MPO: variants seen among roughly 807,000 people sequenced by gnomAD.
MPO encodes myeloperoxidase.
A neutral mutation model predicts 69.4 loss-of-function variants in MPO; 57 were observed. That is an observed-to-expected ratio of 0.82 (90% CI 0.66 to 1.02). The LOEUF is 1.02. Ranked by LOEUF, MPO falls within the 50% of genes least tolerant of loss-of-function variation. The pLI, the probability that MPO is intolerant of heterozygous loss-of-function variation, is 0.00. For missense variants in MPO, 971 were observed against 1,014.1 expected (o/e 0.96, Z 0.58); for synonymous variants, 426 against 417.1 (o/e 1.02, Z -0.26).
At chr17:58,278,225 C>A in intron 6 of MPO, 80 bp from the exon 7 acceptor site, 1 of 1,516,332 alleles carries the variant, frequency 6.6e-7, no homozygotes, top group Non-Finnish European at 9.0e-7. Context: ...CCCCTGCCCT[C>A]AGGACCTCTG....
chr17:58,280,776 G>T lies in MPO; in HGVS notation c.-18C>A. ...ACCCCCATCTCTCTTCTCCTGGGCTGCTCAATCCCCCTTTGTACCTCAGCC... is the reference window on the plus strand; with the variant it reads ...ACCCCCATCTCTCTTCTCCTGGGCTTCTCAATCCCCCTTTGTACCTCAGCC... On this transcript the variant is annotated 5_prime_UTR_variant, in exon 1 of 12. Transcript: ENST00000225275. 1 of 1,613,878 alleles carries T rather than the reference G, an allele frequency of 6.2e-7. No individual in the cohort carries two copies.
At chr17:58,276,975 G>T (rs753479835) in intron 7 of MPO, among the ~76,000 whole-genome samples, 2 of 152,070 alleles carry the variant, frequency 1.3e-5, no homozygotes, top group African/African-American at 2.4e-5. Context: ...AAGTGTGGTG[G>T]CAGGCGCCTG....
intron 7 of MPO, among the ~76,000 whole-genome samples, chr17:58,276,742 G>A (rs1401174687): frequency 2.0e-5 from 3 of 152,198 alleles, no homozygotes; most frequent in African/African-American, 4.8e-5. Context: ...GAGACCAGCA[G>A]GAACCATCAG....
At position 58,270,516 on chromosome 17, in the gene MPO, C is replaced by T; in HGVS notation, c.*140G>A. 1.3e-6 allele frequency: 1 copy of T among 758,156 alleles called. No homozygotes were observed. The allele number at this position is 758,156 out of a possible 1,614,324, so 47.0% of individuals were successfully genotyped here. A position where few individuals can be genotyped will look rare whatever the true frequency, so the allele number is the denominator to read the frequency against. Reference sequence around the variant, plus strand: ...TTTATATACTTCGCACATACATGAGCACACAAATGAACGTCTAGTCACTCA... The same window carrying T: ...TTTATATACTTCGCACATACATGAGTACACAAATGAACGTCTAGTCACTCA... On this transcript the variant is annotated 3_prime_UTR_variant, in exon 12 of 12. Transcript: ENST00000225275. This position sits in a 1 kb window ranked among gnomAD's most constrained non-coding sequence, Gnocchi z 4.1.
In MPO at chr17:58,279,015, G is replaced by T. The variant is rs376373278; in HGVS notation, c.878C>A (p.Pro293Gln). Residue 293 changes from proline to glutamine, a missense_variant, in exon 6 of 12, where the codon CCG becomes CAG. Transcript: ENST00000225275. Reference protein sequence around the residue: ...TSCVQQPPCFPLKIPPNDPRI... With the variant: ...TSCVQQPPCFQLKIPPNDPRI... The stretch of plus-strand genomic sequence containing the variant: ...GGCGGGAAGCAGGGCCACCTTGAGC[G>T]GGAAGCAGGGCGGCTGCTGAACGCA... The T allele has an allele frequency of 6.2e-7, 1 of 1,609,048 alleles. No individual in the cohort carries two copies. The highest frequency in any genetic ancestry group is 1.3e-5 in the African/African-American group (1 of 74,920).
chr17:58,279,507 C>T lies in MPO; in HGVS notation c.548+16G>A. 1 of 1,613,652 alleles carries T rather than the reference C, an allele frequency of 6.2e-7. No individual in the cohort carries two copies. Among genetic ancestry groups the T allele is most frequent in the Non-Finnish European group, 8.5e-7 (1 of 1,179,934 alleles). On this transcript the variant is annotated intron_variant, in intron 4 of 11. Transcript: ENST00000225275. ...CTCTGAGCCCGGTTCCTGCAGCCAC[C>T]CCCAGCCAGCCGCACCTGTTGTTGC...
At chr17:58,271,571 C>T in intron 11 of MPO, 84 bp downstream of exon 11, 3 of 1,361,738 alleles carry the variant, frequency 2.2e-6, no homozygotes, top group Non-Finnish European at 3.1e-6. Flanking sequence ...AGTCCTTCAA[C>T]TGACAGGAGG....
In MPO at chr17:58,275,559, C is replaced by T. The variant is rs150146528; in HGVS notation, c.1348G>A (p.Val450Met). 2.4e-4 allele frequency: 395 copies of T among 1,614,062 alleles called. 1 individual carries two copies. Among genetic ancestry groups the T allele is most frequent in the Non-Finnish European group, 3.3e-4 (387 of 1,180,030 alleles). The change falls in exon 8 of 12, where the codon GTG becomes ATG. Residue 450 changes from valine (V) to methionine (M), a missense_variant. By Grantham distance (21) the Val-to-Met change is conservative. Coordinates refer to ENST00000225275, the MANE Select transcript of MPO (RefSeq NM_000250.2). The surrounding 1 kb of genome is among the most constrained non-coding windows in gnomAD (Gnocchi z 4.1). ...ERLYQEARKI[V>M]GAMVQIITYR... ...CGGCCTACCTGGACCATGGCCCCCA[C>T]GATCTTCCGGGCTTCCTGGTAGAGC...
At chr17:58,273,255 T>C (rs1970389471) in intron 9 of MPO, among the ~76,000 whole-genome samples, 159 bp downstream of exon 9, 1 of 152,126 alleles carries the variant, frequency 6.6e-6, no homozygotes, top group Non-Finnish European at 1.5e-5. Flanking sequence ...TTATCAGATA[T>C]GGAAGCAGAG....
rs1326229205 is a variant in MPO, at chr17:58,279,187, G to A, written c.706C>T (p.Arg236Cys). ...LARAVSNEIV[R>C]FPTDQLTPDQ... ...GGAGTCAGCTGATCAGTGGGGAAGC[G>A]CACGATCTCGTTGGAGACCGCGCGA... The change falls in exon 6 of 12, where the codon CGC becomes TGC. Residue 236 changes from arginine to cysteine, a missense_variant. Physicochemically the swap from Arg to Cys is radical, Grantham distance 180. Transcript: ENST00000225275. 32 of 1,608,758 alleles carry A rather than the reference G, an allele frequency of 2.0e-5. No individual in the cohort carries two copies. The highest frequency in any genetic ancestry group is 2.4e-5 in the Non-Finnish European group (28 of 1,177,812).
At position 58,280,766 on chromosome 17, in the gene MPO, C is replaced by T. The variant is rs1362417435; in HGVS notation, c.-8G>A. ...GAAGAAGGGAACCCCCATCTCTCTT[C>T]TCCTGGGCTGCTCAATCCCCCTTTG... On this transcript the variant is annotated 5_prime_UTR_variant, in exon 1 of 12. Transcript: ENST00000225275. 3 of 1,614,112 alleles carry T rather than the reference C, an allele frequency of 1.9e-6. No homozygotes were observed. The highest frequency in any genetic ancestry group is 4.5e-5 in the East Asian group (2 of 44,874).
At chr17:58,272,627 A>C in intron 10 of MPO, 121 bp downstream of exon 10, 3 of 1,197,636 alleles carry the variant, frequency 2.5e-6, no homozygotes, top group South Asian at 1.6e-5. Flanking sequence ...TCCTGAGAGC[A>C]AAGTGCCTCT....
intron 10 of MPO, among the ~76,000 whole-genome samples, chr17:58,272,481 G>A (rs370447186): frequency 3.9e-5 from 6 of 152,240 alleles, no homozygotes; most frequent in South Asian, 2.1e-4. Flanking sequence ...GACAGAGACA[G>A]ATTTTCAGAC....
intron 9 of MPO, 133 bp downstream of exon 9, chr17:58,273,281 C>A: frequency 7.1e-7 from 1 of 1,409,346 alleles, no homozygotes; most frequent in Admixed American, 1.7e-5. Context: ...GGAACTGAGG[C>A]TAGAGAGTCA....
intron 8 of MPO, among the ~76,000 whole-genome samples, chr17:58,274,532 T>C (rs926998612): frequency 6.6e-6 from 1 of 151,778 alleles, no homozygotes; most frequent in Non-Finnish European, 1.5e-5. Context: ...AAAGAAGAGG[T>C]GAGTGGGCTG....
At chr17:58,272,340 G>T (rs1342167082) in intron 10 of MPO, among the ~76,000 whole-genome samples, 1 of 152,196 alleles carries the variant, frequency 6.6e-6, no homozygotes, top group African/African-American at 2.4e-5. Flanking sequence ...TTTCAGCTTT[G>T]CCACTGACTT....
At chr17:58,280,165 T>C in intron 2 of MPO, 151 bp from the exon 3 acceptor site, 1 of 1,113,910 alleles carries the variant, frequency 9.0e-7, no homozygotes. Flanking sequence ...GACCTGGGTG[T>C]CCAGACAGAG....
rs1970383867 is a variant in MPO, at chr17:58,272,793, G to A, written c.1747C>T (p.Leu583=). The change falls in exon 10 of 12, where the codon CTG becomes TTG. Residue 583 remains leucine, a synonymous_variant. Coordinates refer to ENST00000225275, the MANE Select transcript of MPO (RefSeq NM_000250.2). ...CTGCGCTGCATGTTCAGAGCAGGCA[G>A]GTCCAGCCCAATCCTCATGACCTGC... ...FEQVMRIGLD[L]PALNMQRSRD... 1 of 1,614,068 alleles carries A rather than the reference G, an allele frequency of 6.2e-7. No homozygotes were observed. Among genetic ancestry groups the A allele is most frequent in the South Asian group, 1.1e-5 (1 of 91,090 alleles).
rs1484160225 is a variant in MPO, at chr17:58,271,905, G to A, written c.1793-13C>T. The A allele has an allele frequency of 6.2e-7, 1 of 1,613,174 alleles. No homozygotes were observed. On this transcript the variant is annotated splice_polypyrimidine_tract_variant and intron_variant, in intron 10 of 11. Coordinates refer to ENST00000225275, the MANE Select transcript of MPO (RefSeq NM_000250.2). The stretch of plus-strand genomic sequence containing the variant: ...CAGGCATTGTATCCTGCATGGGGGA[G>A]GGGACAGGTGGCTATGGGCAGGTCT...
Sources: gnomAD v4.1 joint callset for allele counts (sites outside exome capture counted in the v4.1 genomes callset) on GRCh38, gnomAD v4.1.1 for gene constraint, Gnocchi (gnomAD v3.1) non-coding constraint, MANE v1.5 for transcripts, NCBI Gene and HGNC (gene_info 2026-07-23, HGNC 2026-07-21) for gene names.